MCTP2: variants seen among roughly 807,000 people sequenced by gnomAD.
MCTP2 encodes the protein multiple C2 and transmembrane domain containing 2.
Under a neutral mutation model 111.6 loss-of-function variants are expected in MCTP2, and 132 were observed. That is an observed-to-expected ratio of 1.18 (90% CI 1.03 to 1.37). The LOEUF is 1.37. Among genes scored for constraint, MCTP2 ranks in the 40% most tolerant of loss-of-function variants. The pLI, the probability that MCTP2 is intolerant of heterozygous loss-of-function variation, is 0.00. For missense variants in MCTP2, 1,183 were observed against 1,067.9 expected (o/e 1.11, Z -1.50); for synonymous variants, 395 against 387.7 (o/e 1.02, Z -0.22).
intron 1 of MCTP2, among the ~76,000 whole-genome samples, chr15:94,275,962 C>G (rs148740326): frequency 6.6e-6 from 1 of 151,244 alleles, no homozygotes; most frequent in Non-Finnish European, 1.5e-5. Flanking sequence ...AATTCTCCTG[C>G]CTCAGCCTCC....
At chr15:94,315,037 G>A (rs972512510) in intron 3 of MCTP2, among the ~76,000 whole-genome samples, 3 of 152,196 alleles carry the variant, frequency 2.0e-5, no homozygotes, top group African/African-American at 7.2e-5. Context: ...TGAGTGCCCA[G>A]AACTGAAATT....
chr15:94,398,817 A>G (rs1450490680), intron 14 of MCTP2, 144 bp from the exon 15 acceptor site: 1 of 547,128 alleles, frequency 1.8e-6, no homozygotes, highest in East Asian at 2.9e-5. Context: ...AAGGCGATTT[A>G]TGGTGGATTT....
chr15:94,417,228 C>CTG (rs1370724316), intron 17 of MCTP2, among the ~76,000 whole-genome samples: 1 of 152,154 alleles, frequency 6.6e-6, no homozygotes, highest in African/African-American at 2.4e-5. Context: ...AATATTTTCA[C>CTG]TGTGTGCTTA....
In MCTP2 at chr15:94,358,442, C is replaced by T. The variant is rs772294633; in HGVS notation, c.1171-40C>T. ...GTGTAGCTTCTGTAGCAATGAATGA[C>T]ATTTTAAGAAAATAAATATTATAAC... is the stretch of plus-strand genomic sequence containing the variant. On this transcript the variant is annotated intron_variant, in intron 9 of 22. Transcript: ENST00000357742. 4 of 1,572,296 alleles carry T rather than the reference C, an allele frequency of 2.5e-6. No individual in the cohort carries two copies. In the South Asian group the frequency reaches 3.5e-5, roughly 14 times the overall value.
intron 2 of MCTP2, among the ~76,000 whole-genome samples, chr15:94,300,542 G>T (rs952362393): frequency 2.4e-4 from 36 of 150,054 alleles, no homozygotes; most frequent in African/African-American, 8.8e-4. Context: ...TATTGTCTTT[G>T]TTGATTAAAC....
chr15:94,369,167 T>A (rs1257833896), intron 11 of MCTP2, among the ~76,000 whole-genome samples: 2 of 152,250 alleles, frequency 1.3e-5, no homozygotes, highest in African/African-American at 2.4e-5. Flanking sequence ...GAAACAACTT[T>A]CAAATGTTTT....
chr15:94,445,555 G>A (rs140331850), intron 19 of MCTP2, among the ~76,000 whole-genome samples: 185 of 152,208 alleles, frequency 1.2e-3, no homozygotes, highest in African/African-American at 4.3e-3. Context: ...CTTTTTGAGT[G>A]CACATACACA....
At chr15:94,365,575 C>T (rs902871728) in intron 10 of MCTP2, among the ~76,000 whole-genome samples, 2 of 152,276 alleles carry the variant, frequency 1.3e-5, no homozygotes, top group South Asian at 2.1e-4. Flanking sequence ...AAAATTTTCA[C>T]AGTTATTCCA....
At chr15:94,258,456 T>G (rs1310733998) in intron 1 of MCTP2, among the ~76,000 whole-genome samples, 1 of 152,190 alleles carries the variant, frequency 6.6e-6, no homozygotes, top group African/African-American at 2.4e-5. Flanking sequence ...ATTATTTGAA[T>G]GTGCCAGAGT....
At chr15:94,238,885 A>T (rs2070741733) in intron 1 of MCTP2, among the ~76,000 whole-genome samples, 1 of 152,146 alleles carries the variant, frequency 6.6e-6, no homozygotes, top group Admixed American at 6.5e-5. Flanking sequence ...AAGTGGGAAT[A>T]TTCATGAGAG....
chr15:94,389,874 A>G (rs904189627), intron 14 of MCTP2, among the ~76,000 whole-genome samples: 1 of 151,892 alleles, frequency 6.6e-6, no homozygotes, highest in African/African-American at 2.4e-5. Context: ...AGTATGGAAT[A>G]TACTTCAACT....
chr15:94,249,771 C>T (rs1238854516), intron 1 of MCTP2, among the ~76,000 whole-genome samples: 1 of 152,124 alleles, frequency 6.6e-6, no homozygotes, highest in Non-Finnish European at 1.5e-5. Flanking sequence ...AGGCATGAGC[C>T]ACCGTGCCTG....
intron 1 of MCTP2, among the ~76,000 whole-genome samples, chr15:94,263,261 A>G (rs868148464): frequency 6.0e-4 from 91 of 152,290 alleles, no homozygotes; most frequent in African/African-American, 2.1e-3. Context: ...CTTCTGAGAG[A>G]TACATACAGC....
chr15:94,342,352 C>T (rs1359243553), intron 7 of MCTP2: 1 of 152,034 alleles, frequency 6.6e-6, no homozygotes, highest in Non-Finnish European at 1.5e-5. Context: ...CAGCTTGGAG[C>T]TGTTTTTGTA....
intron 14 of MCTP2, among the ~76,000 whole-genome samples, chr15:94,390,062 A>ATATATATATATATATATATATATACG (rs2080795963): frequency 9.7e-5 from 1 of 10,264 alleles, no homozygotes; most frequent in Admixed American, 1.8e-3. Flanking sequence ...ATATATATAT[A>ATATATATATATATATATATATATACG]TATATATATA....
At chr15:94,354,235 A>ATGTGTG (rs375576986) in intron 8 of MCTP2, among the ~76,000 whole-genome samples, 1 of 151,376 alleles carries the variant, frequency 6.6e-6, no homozygotes, top group Non-Finnish European at 1.5e-5. Context: ...TGCAGAACCT[A>ATGTGTG]TGTGTGTGTG....
At chr15:94,374,960 G>T (rs2079682158) in intron 12 of MCTP2, among the ~76,000 whole-genome samples, 1 of 152,132 alleles carries the variant, frequency 6.6e-6, no homozygotes, top group African/African-American at 2.4e-5. Context: ...CAATCCCATT[G>T]TTCAATCCGT....
chr15:94,422,738 A>G (rs578121116), intron 17 of MCTP2, among the ~76,000 whole-genome samples: 8 of 152,326 alleles, frequency 5.3e-5, no homozygotes, highest in African/African-American at 1.7e-4. Context: ...CCGTTGCTCT[A>G]TGAACCAGCA....
chr15:94,410,869 G>A (rs1342766991), intron 17 of MCTP2, among the ~76,000 whole-genome samples: 1 of 152,226 alleles, frequency 6.6e-6, no homozygotes, highest in Non-Finnish European at 1.5e-5. Flanking sequence ...CGCATCAGTA[G>A]CTAAAATCCA....
Sources: allele counts gnomAD v4.1 joint callset (sites outside exome capture counted in the v4.1 genomes callset), GRCh38; gene constraint gnomAD v4.1.1; transcripts MANE v1.5; gene names NCBI Gene and HGNC (gene_info 2026-07-23, HGNC 2026-07-21).